PHKA2: variants seen among roughly 807,000 people sequenced by gnomAD.
The protein encoded by PHKA2 is phosphorylase kinase regulatory subunit alpha 2.
Under a neutral mutation model 102.0 loss-of-function variants are expected in PHKA2, and 31 were observed. That is an observed-to-expected ratio of 0.30 (90% confidence interval 0.23 to 0.41). PHKA2 has a LOEUF of 0.41. Among genes scored for constraint, PHKA2 ranks in the 10% least tolerant of loss-of-function variants. The pLI, the probability that PHKA2 is intolerant of heterozygous loss-of-function variation, is 1.00. For missense variants in PHKA2, 858 were observed against 1,023.1 expected, an observed-to-expected ratio of 0.84 and a Z score of 2.20; for synonymous variants, 455 against 416.2, an observed-to-expected ratio of 1.09 and a Z score of -1.13.
At chrX:18,935,197 T>C (rs1236243867) in intron 11 of PHKA2, among the ~76,000 whole-genome samples, 1 of 112,068 alleles carries the variant, frequency 8.9e-6, no homozygotes, top group Non-Finnish European at 1.9e-5. Flanking sequence ...AACCATGAGA[T>C]ATTGACAGAC....
chrX:18,939,251 T>C (rs778649051), intron 9 of PHKA2, among the ~76,000 whole-genome samples: 5 of 111,349 alleles, frequency 4.5e-5, no homozygotes, highest in East Asian at 2.8e-4. Context: ...TCTCTGCTCA[T>C]TGCAGCCTTG....
chrX:18,905,885 C>T (rs751060810), intron 25 of PHKA2, 26 bp from the exon 26 acceptor site: 1 of 1,083,573 alleles, frequency 9.2e-7, no homozygotes, highest in South Asian at 1.8e-5. Context: ...TTGTAAGTGT[C>T]CCAAACACAG....
At chrX:18,945,931 T>G (rs2048570846) in intron 5 of PHKA2, among the ~76,000 whole-genome samples, 1 of 111,428 alleles carries the variant, frequency 9.0e-6, no homozygotes, top group Non-Finnish European at 1.9e-5. Context: ...TTTTTTCTTT[T>G]TTTTTATTTT....
At chrX:18,930,627 G>C (rs775394712) in intron 12 of PHKA2, among the ~76,000 whole-genome samples, 3 of 111,137 alleles carry the variant, frequency 2.7e-5, no homozygotes, top group Non-Finnish European at 5.7e-5. Context: ...GACCTGCCCG[G>C]GATCAGAGAA....
At chrX:18,937,105 A>G (rs1449713637) in intron 10 of PHKA2, among the ~76,000 whole-genome samples, 1 of 111,357 alleles carries the variant, frequency 9.0e-6, no homozygotes, top group Non-Finnish European at 1.9e-5. Context: ...GCCCCCCAGC[A>G]TTCCTGAGCA....
In PHKA2 at chrX:18,906,558, G is replaced by A. The variant is rs964999547; in HGVS notation, c.2743C>T (p.Leu915Phe). 1.7e-5 allele frequency: 21 copies of A among 1,207,969 alleles called. No individual in the cohort carries two copies. The highest frequency in any genetic ancestry group is 2.2e-5 in the Non-Finnish European group (20 of 891,557). Residue 915 changes from leucine to phenylalanine, a missense_variant, in exon 25 of 33, where the codon CTC (leucine) becomes TTC (phenylalanine). Physicochemically the swap from Leu to Phe is conservative, Grantham distance 22. Transcript: ENST00000379942. ...ACCTGAATGATCAGTCCAATCCGGAGTCTCAGCATCTCCACAAAGAGGCTG... is the reference window on the plus strand; with the variant it reads ...ACCTGAATGATCAGTCCAATCCGGAATCTCAGCATCTCCACAAAGAGGCTG... ...QPSLFVEMLR[L>F]RIGLIIQVMA...
chrX:18,918,652 T>G (rs780303892), intron 19 of PHKA2, 29 bp downstream of exon 19: 1 of 1,174,992 alleles, frequency 8.5e-7, no homozygotes, highest in Admixed American at 2.2e-5. Context: ...GAAGGTATTT[T>G]AACAGGCAGA....
rs1314868197 is a variant in PHKA2 at position 18,936,115 on chromosome X, G to A, written c.1077C>T (p.Leu359=). 2.5e-6 allele frequency: 3 copies of A among 1,206,314 alleles called. No individual in the cohort carries two copies. Among genetic ancestry groups the A allele is most frequent in the Non-Finnish European group, 2.2e-6 (2 of 891,069 alleles). ...QEYREALEGI[L]IRGKNGIRLV... Reference sequence around the variant, plus strand: ...GGCGGATCCCATTCTTGCCTCTGATGAGTATTCCCTCCAGGGCCTCTCGGT... The same window carrying A: ...GGCGGATCCCATTCTTGCCTCTGATAAGTATTCCCTCCAGGGCCTCTCGGT... Residue 359 remains leucine, a synonymous_variant, in exon 11 of 33, where the codon CTC becomes CTT. Transcript: ENST00000379942.
intron 6 of PHKA2, 45 bp from the exon 7 acceptor site, chrX:18,943,853 C>A (rs1466385124): frequency 1.1e-6 from 1 of 876,757 alleles, no homozygotes; most frequent in Non-Finnish European, 1.7e-6. Context: ...AATAAACATA[C>A]ACTCCAATAT....
rs141146446 is a variant in PHKA2 at position 18,924,483 on chromosome X, T to G, written c.1612A>C (p.Met538Leu). 18 of 1,208,969 alleles carry G rather than the reference T, an allele frequency of 1.5e-5. No individual in the cohort carries two copies. The highest frequency in any genetic ancestry group is 1.8e-5 in the Non-Finnish European group (16 of 894,505). ...TCGATCCTTAGCATCTCCACGATCA[T>G]CTCATTGTCGAGGGCCAGGTAGAAG... ...HHFYLALDNE[M>L]IVEMLRIELA... Residue 538 changes from methionine to leucine, a missense_variant, in exon 16 of 33, where the codon ATG becomes CTG. Around this residue, in one of 2 missense-constraint regions of PHKA2, gnomAD observed 671 missense variants for 745.2 expected, o/e 0.90. Transcript: ENST00000379942.
At chrX:18,947,145 C>A (rs778289768) in intron 5 of PHKA2, among the ~76,000 whole-genome samples, 2 of 112,004 alleles carry the variant, frequency 1.8e-5, no homozygotes, top group Admixed American at 1.9e-4. Flanking sequence ...CATTTATTTA[C>A]GTGTTGTCTA....
intron 11 of PHKA2, 79 bp downstream of exon 11, chrX:18,935,976 T>C: frequency 1.5e-6 from 1 of 675,598 alleles, no homozygotes; most frequent in Non-Finnish European, 2.4e-6. Flanking sequence ...AAAAAGGGGA[T>C]AAAGAATACC....
intron 11 of PHKA2, among the ~76,000 whole-genome samples, chrX:18,935,688 C>T (rs1300442679): frequency 9.3e-6 from 1 of 107,221 alleles, no homozygotes; most frequent in Non-Finnish European, 1.9e-5. Flanking sequence ...TTGCAACCTC[C>T]ACCTCCCAGG....
At chrX:18,939,390 C>T (rs1226769756) in intron 9 of PHKA2, among the ~76,000 whole-genome samples, 17 of 111,331 alleles carry the variant, frequency 1.5e-4, no homozygotes, top group African/African-American at 5.5e-4. Flanking sequence ...CACTATGTTG[C>T]CCAGACTGGT....
intron 26 of PHKA2, among the ~76,000 whole-genome samples, chrX:18,903,622 C>T (rs1463590007): frequency 1.8e-5 from 2 of 112,216 alleles, no homozygotes; most frequent in African/African-American, 6.5e-5. Flanking sequence ...TGGAGAAGGG[C>T]CTCGGGCTGG....
chrX:18,936,793 AGTT>A (rs1200676657), intron 10 of PHKA2, among the ~76,000 whole-genome samples: 1 of 112,417 alleles, frequency 8.9e-6, no homozygotes, highest in Non-Finnish European at 1.9e-5. Context: ...GCGCTAAAAA[AGTT>A]GACCCCATAT....
Position 18,981,173 on chromosome X carries a change from C to A in PHKA2, c.78+2682G>T, listed in dbSNP as rs151312260. Among the ~76,000 whole-genome samples, 670 of 111,147 alleles carry A rather than the reference C, an allele frequency of 6.0e-3. 6 individuals carry two copies. The highest frequency in any genetic ancestry group is 0.02 in the African/African-American group (617 of 30,568). ...GATTACTCAGAGAAGGTGATGAGGCCTTGAATGGGTTAGGGCTCTACAACT... is the reference window on the plus strand; with the variant it reads ...GATTACTCAGAGAAGGTGATGAGGCATTGAATGGGTTAGGGCTCTACAACT... On this transcript the variant is annotated intron_variant, in intron 1 of 32. Transcript: ENST00000379942.
chrX:18,898,028 G>C (rs1239806289), intron 29 of PHKA2: 2 of 113,066 alleles, frequency 1.8e-5, no homozygotes, highest in African/African-American at 3.2e-5. Flanking sequence ...GAACCACAGA[G>C]AAGGCAATAC....
chrX:18,896,883 T>C (rs1281811348), intron 30 of PHKA2, among the ~76,000 whole-genome samples: 4 of 111,693 alleles, frequency 3.6e-5, no homozygotes. Flanking sequence ...TCCCACGGGA[T>C]GTTTGATAAT....
Sources: gnomAD v4.1 joint callset for allele counts (sites outside exome capture counted in the v4.1 genomes callset) on GRCh38, gnomAD v4.1.1 for gene constraint, gnomAD v4.1.1 regional missense constraint, MANE v1.5 for transcripts, NCBI Gene and HGNC (gene_info 2026-07-23, HGNC 2026-07-21) for gene names.